The following ROBO2 variants were observed in gnomAD, a reference collection of about 807,000 sequenced individuals.
ROBO2 encodes the protein roundabout guidance receptor 2.
ROBO2 carries 53 observed loss-of-function variants against 160.8 expected under a neutral mutation model. The observed-to-expected ratio is 0.33, with a 90% CI of 0.26 to 0.41. ROBO2 has a LOEUF of 0.41. Ranked by LOEUF, ROBO2 falls within the 10% of genes least tolerant of loss-of-function variation. The pLI, the probability that ROBO2 is intolerant of heterozygous loss-of-function variation, is 1.00. For missense variants in ROBO2, 1,577 were observed against 1,722.4 expected (o/e 0.92, Z 1.49); for synonymous variants, 664 against 611.7 (o/e 1.09, Z -1.26).
At chr3:77,306,921 A>T (rs7639821) in intron 2 of ROBO2, among the ~76,000 whole-genome samples, 3,689 of 152,302 alleles carry the variant, frequency 0.024, 59 homozygotes, top group Non-Finnish European at 0.037. Flanking sequence ...TGTTTACAAA[A>T]GGCACTCTCT....
At chr3:77,442,997 G>T (rs144694466) in intron 2 of ROBO2, among the ~76,000 whole-genome samples, 1 of 152,168 alleles carries the variant, frequency 6.6e-6, no homozygotes, top group Non-Finnish European at 1.5e-5. Flanking sequence ...GGAATATAAT[G>T]TGTCTGAGTG....
At chr3:76,820,084 T>G (rs935368085) in intron 2 of ROBO2, among the ~76,000 whole-genome samples, 17 of 152,202 alleles carry the variant, frequency 1.1e-4, no homozygotes, top group African/African-American at 4.1e-4. Context: ...AATATCGCCC[T>G]GCTAACATGT....
intron 2 of ROBO2, among the ~76,000 whole-genome samples, chr3:76,559,112 C>G (rs1560147806): frequency 6.6e-6 from 1 of 152,090 alleles, no homozygotes. Context: ...CTAAACTCTT[C>G]CTCTCCTCCC....
At chr3:77,601,701 A>T (rs2094433786) in intron 19 of ROBO2, among the ~76,000 whole-genome samples, 1 of 152,226 alleles carries the variant, frequency 6.6e-6, no homozygotes, top group Non-Finnish European at 1.5e-5. Flanking sequence ...GAGCAATTAA[A>T]TCACACAATA....
intron 2 of ROBO2, among the ~76,000 whole-genome samples, chr3:76,861,857 G>T (rs528136347): frequency 6.6e-6 from 1 of 152,192 alleles, no homozygotes; most frequent in Non-Finnish European, 1.5e-5. Flanking sequence ...CTTTTTAATT[G>T]ACTGCTGTGT....
intron 2 of ROBO2, among the ~76,000 whole-genome samples, chr3:77,468,800 G>A (rs2083052246): frequency 6.6e-6 from 1 of 152,186 alleles, no homozygotes; most frequent in Admixed American, 6.5e-5. Flanking sequence ...TTTGCTCAGT[G>A]AATGTGCCTG....
At chr3:76,525,949 T>G (rs1332364446) in intron 2 of ROBO2, among the ~76,000 whole-genome samples, 3 of 152,130 alleles carry the variant, frequency 2.0e-5, no homozygotes, top group African/African-American at 7.2e-5. Context: ...TATGGCACCC[T>G]TGGGCTGAAA....
chr3:77,108,258 ATG>A (rs1209251987), intron 2 of ROBO2, among the ~76,000 whole-genome samples: 1 of 121,072 alleles, frequency 8.3e-6, no homozygotes. Context: ...ATGCATATAT[ATG>A]TATACACATA....
intron 2 of ROBO2, among the ~76,000 whole-genome samples, chr3:77,314,764 GCAGA>G (rs928505149): frequency 3.3e-5 from 5 of 152,146 alleles, no homozygotes; most frequent in African/African-American, 9.7e-5. Flanking sequence ...GGATGGGAGG[GCAGA>G]CAGAGAAAAT....
At chr3:76,454,306 AACTT>A (rs1476431879) in intron 2 of ROBO2, among the ~76,000 whole-genome samples, 2 of 152,182 alleles carry the variant, frequency 1.3e-5, no homozygotes, top group African/African-American at 4.8e-5. Context: ...ATTGGGTCAA[AACTT>A]ACTTTAAGCA....
chr3:77,309,673 T>C (rs1334825523), intron 2 of ROBO2, among the ~76,000 whole-genome samples: 2 of 152,246 alleles, frequency 1.3e-5, no homozygotes, highest in Non-Finnish European at 2.9e-5. Flanking sequence ...AGATGAGTCA[T>C]GGCAACTGCC....
intron 8 of ROBO2, among the ~76,000 whole-genome samples, chr3:77,556,546 T>C (rs2093128761): frequency 6.6e-6 from 1 of 151,914 alleles, no homozygotes; most frequent in African/African-American, 2.4e-5. Flanking sequence ...TGCTTAACTT[T>C]AATCTTTTGT....
At chr3:77,437,522 C>T (rs1001560078) in intron 2 of ROBO2, among the ~76,000 whole-genome samples, 1 of 151,806 alleles carries the variant, frequency 6.6e-6, no homozygotes, top group East Asian at 1.9e-4. Context: ...TGATAGCAAA[C>T]TTTACTGCCT....
intron 2 of ROBO2, among the ~76,000 whole-genome samples, chr3:75,967,412 G>C (rs1399927428): frequency 6.6e-6 from 1 of 151,690 alleles, no homozygotes; most frequent in Non-Finnish European, 1.5e-5. Context: ...TATAACTGGA[G>C]ACAACTGACT....
exon 2 of ROBO2, chr3:77,098,024 T>C (rs749164888): frequency 6.4e-7 from 1 of 1,568,562 alleles, no homozygotes; most frequent in Admixed American, 1.8e-5. Flanking sequence ...GATCGCGTCT[T>C]CGCCAGGAGG....
At chr3:76,354,774 C>T (rs1193892748) in intron 2 of ROBO2, among the ~76,000 whole-genome samples, 1 of 151,680 alleles carries the variant, frequency 6.6e-6, no homozygotes, top group Non-Finnish European at 1.5e-5. Flanking sequence ...GGAAAAACTG[C>T]TGGGTATAAG....
chr3:76,687,216 G>C (rs1003591968), intron 2 of ROBO2, among the ~76,000 whole-genome samples: 1 of 152,006 alleles, frequency 6.6e-6, no homozygotes, highest in East Asian at 1.9e-4. Flanking sequence ...AATAATACAG[G>C]CTCTGAATCC....
chr3:77,067,650 G>GT (rs2066997816), intron 1 of ROBO2, among the ~76,000 whole-genome samples: 1 of 152,080 alleles, frequency 6.6e-6, no homozygotes, highest in African/African-American at 2.4e-5. Context: ...TTGAGTGTTT[G>GT]TTTTTTCTTT....
At chr3:76,052,740 C>T (rs545613814) in intron 2 of ROBO2, among the ~76,000 whole-genome samples, 3 of 151,958 alleles carry the variant, frequency 2.0e-5, no homozygotes, top group Admixed American at 6.6e-5. Context: ...ATTTTCCCTG[C>T]ATAATCTAAC....
Sources: gnomAD v4.1 joint callset for allele counts (sites outside exome capture counted in the v4.1 genomes callset) on GRCh38, gnomAD v4.1.1 for gene constraint, MANE v1.5 for transcripts, NCBI Gene and HGNC (gene_info 2026-07-23, HGNC 2026-07-21) for gene names.